Variants in ZNF385D observed in about 807,000 individuals in gnomAD.
The protein encoded by ZNF385D is zinc finger protein 385D, also known as zinc finger protein 659.
A neutral mutation model predicts 35.8 loss-of-function variants in ZNF385D; 15 were observed. That is an observed-to-expected ratio of 0.42 (90% CI 0.28 to 0.64). ZNF385D has a LOEUF of 0.64. Ranked by LOEUF, ZNF385D falls within the 30% of genes least tolerant of loss-of-function variation. The pLI, the probability that ZNF385D is intolerant of heterozygous loss-of-function variation, is 0.23. For missense variants in ZNF385D, 474 were observed against 494.6 expected (o/e 0.96, Z 0.39); for synonymous variants, 212 against 186.8 (o/e 1.13, Z -1.10).
chr3:22,204,403 T>C (rs2125248605), intron 2 of ZNF385D, among the ~76,000 whole-genome samples: 1 of 151,966 alleles, frequency 6.6e-6, no homozygotes, highest in South Asian at 2.1e-4. Flanking sequence ...AAACAAACAA[T>C]CCCAGATTGT....
intron 2 of ZNF385D, among the ~76,000 whole-genome samples, chr3:21,650,078 A>G (rs544325275): frequency 6.6e-6 from 1 of 152,328 alleles, no homozygotes; most frequent in South Asian, 2.1e-4. Context: ...TAAAGATGGC[A>G]GGAAGATCCA....
Position 22,312,089 on chromosome 3 carries a change from C to G in ZNF385D, c.106+60361G>C, listed in dbSNP as rs1254692554. Among the ~76,000 whole-genome samples the G allele has an allele frequency of 3.9e-5, 6 of 152,070 alleles. No homozygotes were observed. In the East Asian group the frequency reaches 1.2e-3, roughly 29 times the overall value. On this transcript the variant is annotated intron_variant, in intron 2 of 5. Transcript: ENST00000494108. ...ACTACCTACTCACTTTCTAATAACT[C>G]AATCGGGCAAAATTGCCTAAGTTCA...
intron 3 of ZNF385D, among the ~76,000 whole-genome samples, chr3:21,827,583 C>G (rs1158567646): frequency 6.6e-6 from 1 of 152,106 alleles, no homozygotes; most frequent in East Asian, 1.9e-4. Flanking sequence ...AATTCACATA[C>G]CAGCTAGTTC....
At chr3:21,716,545 C>G (rs2068325745) in intron 1 of ZNF385D, among the ~76,000 whole-genome samples, 1 of 152,104 alleles carries the variant, frequency 6.6e-6, no homozygotes, top group African/African-American at 2.4e-5. Flanking sequence ...ATAACCTGTG[C>G]CTGGGATGAT....
chr3:21,441,716 A>G (rs1024808867), intron 4 of ZNF385D: 1 of 985,426 alleles, frequency 1.0e-6, no homozygotes, highest in Non-Finnish European at 1.2e-6. Flanking sequence ...AATAAACCAC[A>G]GGGCTTCATT....
chr3:22,081,089 G>A (rs554108739), intron 3 of ZNF385D, among the ~76,000 whole-genome samples: 1 of 151,918 alleles, frequency 6.6e-6, no homozygotes, highest in Middle Eastern at 3.2e-3. Flanking sequence ...ATTTTTAAAG[G>A]TCAACAACCA....
chr3:21,499,301 A>T (rs1297185403), intron 4 of ZNF385D, among the ~76,000 whole-genome samples: 1 of 152,216 alleles, frequency 6.6e-6, no homozygotes, highest in African/African-American at 2.4e-5. Flanking sequence ...TGTAAACATT[A>T]AAAAAGAACA....
intron 2 of ZNF385D, among the ~76,000 whole-genome samples, chr3:22,262,447 C>A (rs1006005651): frequency 1.3e-5 from 2 of 151,840 alleles, no homozygotes; most frequent in African/African-American, 4.8e-5. Context: ...ATAATTTCAT[C>A]TTTTATTTTA....
chr3:22,198,985 A>T (rs141608784), intron 2 of ZNF385D, among the ~76,000 whole-genome samples: 1 of 152,196 alleles, frequency 6.6e-6, no homozygotes, highest in Non-Finnish European at 1.5e-5. Context: ...TATAAATTCC[A>T]CATCTACTAC....
intron 2 of ZNF385D, among the ~76,000 whole-genome samples, chr3:22,213,883 A>C (rs761405456): frequency 1.3e-5 from 2 of 152,096 alleles, no homozygotes; most frequent in Non-Finnish European, 2.9e-5. Context: ...CTCCTTCTTA[A>C]GGAGAGAATT....
At position 22,281,537 on chromosome 3, in the gene ZNF385D, T is replaced by C. The variant is rs143456970; in HGVS notation, c.106+90913A>G. 7.7e-3 allele frequency among the ~76,000 whole-genome samples: 1,174 copies of C among 152,208 alleles called. 15 individuals are homozygous for C. The highest frequency in any genetic ancestry group is 0.026 in the African/African-American group (1,098 of 41,540). ...AGTTCTGGTTACGTGGTATATCACA[T>C]TTACTGACTTGTGGATGTTAAACCA... On this transcript the variant is annotated intron_variant, in intron 2 of 5. Coordinates refer to the ZNF385D transcript ENST00000494108.
intron 4 of ZNF385D, among the ~76,000 whole-genome samples, chr3:21,444,792 T>G (rs895702072): frequency 3.6e-5 from 5 of 139,882 alleles, no homozygotes; most frequent in African/African-American, 1.5e-4. Context: ...TTTTATTTTG[T>G]AGGATAATTT....
chr3:22,090,973 A>G (rs1202646252), intron 3 of ZNF385D, among the ~76,000 whole-genome samples: 1 of 152,174 alleles, frequency 6.6e-6, no homozygotes, highest in African/African-American at 2.4e-5. Context: ...AAAAGACTAC[A>G]TGGCAAAAGA....
intron 1 of ZNF385D, among the ~76,000 whole-genome samples, chr3:21,748,444 C>A (rs542240039): frequency 6.6e-6 from 1 of 152,022 alleles, no homozygotes; most frequent in African/African-American, 2.4e-5. Context: ...GGGGGCAACA[C>A]TGACAAATCA....
At chr3:21,759,995 T>C (rs1237954255) in intron 3 of ZNF385D, among the ~76,000 whole-genome samples, 2 of 152,218 alleles carry the variant, frequency 1.3e-5, no homozygotes, top group Admixed American at 6.5e-5. Context: ...TCCAGTCAAA[T>C]ACAGTAGGTG....
chr3:22,019,081 T>G (rs1220535649), intron 3 of ZNF385D, among the ~76,000 whole-genome samples: 1 of 131,858 alleles, frequency 7.6e-6, no homozygotes, highest in Non-Finnish European at 1.6e-5. Context: ...AAGGAGGCTA[T>G]CCCTGTAGGG....
chr3:22,229,414 T>C (rs1048564152), intron 2 of ZNF385D, among the ~76,000 whole-genome samples: 30 of 152,166 alleles, frequency 2.0e-4, no homozygotes, highest in Admixed American at 1.7e-3. Context: ...CAGCATTCAG[T>C]GAGGGGGACC....
intron 2 of ZNF385D, among the ~76,000 whole-genome samples, chr3:21,636,255 T>A (rs1467255301): frequency 6.7e-6 from 1 of 149,958 alleles, no homozygotes; most frequent in Non-Finnish European, 1.5e-5. Flanking sequence ...TGGACATTCC[T>A]GCAGGAGTAA....
At chr3:22,003,879 A>G (rs1402454306) in intron 3 of ZNF385D, among the ~76,000 whole-genome samples, 2 of 151,810 alleles carry the variant, frequency 1.3e-5, no homozygotes, top group East Asian at 1.9e-4. Flanking sequence ...CACCAAAAAA[A>G]AAAGAAAGAA....
Sources: allele counts gnomAD v4.1 joint callset (sites outside exome capture counted in the v4.1 genomes callset), GRCh38; gene constraint gnomAD v4.1.1; transcripts MANE v1.5; gene names NCBI Gene and HGNC (gene_info 2026-07-23, HGNC 2026-07-21).